The following ERCC6L2 variants were observed in gnomAD, a reference collection of about 807,000 sequenced individuals.
The protein encoded by ERCC6L2 is ERCC excision repair 6 like 2, also known as DNA excision repair protein ERCC-6-like 2.
Under a neutral mutation model 132.0 loss-of-function variants are expected in ERCC6L2, and 77 were observed. That is an observed-to-expected ratio of 0.58 (90% CI 0.49 to 0.71). The LOEUF is 0.71. ERCC6L2 is among the 30% of genes least tolerant of loss of function. The pLI is 0.00. For missense variants in ERCC6L2, 1,542 were observed against 1,837.6 expected (o/e 0.84, Z 2.94); for synonymous variants, 583 against 632.4 (o/e 0.92, Z 1.17).
At chr9:95,908,455 C>A (rs1231159428) in intron 4 of ERCC6L2, among the ~76,000 whole-genome samples, 1 of 152,174 alleles carries the variant, frequency 6.6e-6, no homozygotes, top group African/African-American at 2.4e-5. Context: ...TGACACCTTG[C>A]TCTTGAAATT....
chr9:95,897,183 A>G (rs371728827), intron 2 of ERCC6L2, among the ~76,000 whole-genome samples: 5 of 152,172 alleles, frequency 3.3e-5, no homozygotes, highest in African/African-American at 1.2e-4. Context: ...TTTTACAGAT[A>G]TTATTCAGAG....
chr9:95,986,165 T>C (rs190648748), intron 17 of ERCC6L2, among the ~76,000 whole-genome samples: 142 of 152,368 alleles, frequency 9.3e-4, no homozygotes, highest in African/African-American at 3.4e-3. Context: ...CATTATCTCA[T>C]TGTATTATAC....
chr9:96,009,885 G>A (rs1440370095), intron 18 of ERCC6L2, among the ~76,000 whole-genome samples: 1 of 152,234 alleles, frequency 6.6e-6, no homozygotes, highest in Admixed American at 6.5e-5. Context: ...TCACGGGTGA[G>A]GTCGTGGTTT....
intron 15 of ERCC6L2, among the ~76,000 whole-genome samples, chr9:95,971,147 G>C (rs1359124019): frequency 1.3e-5 from 2 of 151,992 alleles, no homozygotes; most frequent in Non-Finnish European, 2.9e-5. Flanking sequence ...TAAAAAACAT[G>C]TGTGGAAGGT....
intron 15 of ERCC6L2, 45 bp from the exon 16 acceptor site, chr9:95,971,888 A>C: frequency 8.3e-7 from 1 of 1,197,808 alleles, no homozygotes; most frequent in Non-Finnish European, 1.1e-6. Flanking sequence ...ATTCCACATT[A>C]TATCTTGAGG....
intron 2 of ERCC6L2, among the ~76,000 whole-genome samples, chr9:95,892,266 A>G (rs1828210882): frequency 6.6e-6 from 1 of 151,896 alleles, no homozygotes; most frequent in Admixed American, 6.6e-5. Flanking sequence ...TCTGTAACTT[A>G]TTTTACCATT....
At chr9:95,988,783 C>T (rs943466552) in intron 17 of ERCC6L2, among the ~76,000 whole-genome samples, 4 of 152,140 alleles carry the variant, frequency 2.6e-5, no homozygotes, top group South Asian at 2.1e-4. Flanking sequence ...GGGTATCCTC[C>T]GATTCAATTC....
In ERCC6L2 at chr9:96,015,380, G is replaced by T. The variant is rs2133235951; in HGVS notation, c.*2177G>T. Among the ~76,000 whole-genome samples, 1 of 151,838 alleles carries T rather than the reference G, an allele frequency of 6.6e-6. No individual in the cohort carries two copies. The highest frequency in any genetic ancestry group is 2.0e-4 in the East Asian group (1 of 5,086). On this transcript the variant is annotated 3_prime_UTR_variant, in exon 19 of 19. Transcript: ENST00000653738. ...TTTTTGTGTTTTTAGTAGGGATGGGGTTTCACCATGTTGGCCAGGCTGGTC... is the reference window on the plus strand; with the variant it reads ...TTTTTGTGTTTTTAGTAGGGATGGGTTTTCACCATGTTGGCCAGGCTGGTC...
At chr9:95,995,091 T>C (rs1833428028) in intron 17 of ERCC6L2, among the ~76,000 whole-genome samples, 1 of 152,240 alleles carries the variant, frequency 6.6e-6, no homozygotes. Context: ...TTTAATCATG[T>C]GCCTGTGAGG....
intron 17 of ERCC6L2, among the ~76,000 whole-genome samples, chr9:96,001,919 A>G (rs567955931): frequency 2.0e-5 from 3 of 152,344 alleles, no homozygotes; most frequent in African/African-American, 7.2e-5. Context: ...GTGGGCCAGC[A>G]CTGCTGGGGG....
intron 2 of ERCC6L2, among the ~76,000 whole-genome samples, chr9:95,884,562 A>G (rs556702664): frequency 2.0e-5 from 3 of 150,136 alleles, no homozygotes; most frequent in African/African-American, 7.3e-5. Context: ...TGGCCATGAT[A>G]TGAAACTGAA....
intron 17 of ERCC6L2, among the ~76,000 whole-genome samples, chr9:95,997,947 T>C (rs1343114646): frequency 6.6e-6 from 1 of 152,256 alleles, no homozygotes; most frequent in Non-Finnish European, 1.5e-5. Context: ...GTGAAAGATT[T>C]ACTATTTTAG....
At chr9:95,882,798 G>A (rs908735430) in intron 2 of ERCC6L2, among the ~76,000 whole-genome samples, 10 of 152,316 alleles carry the variant, frequency 6.6e-5, no homozygotes, top group African/African-American at 2.4e-4. Context: ...AGGCAGTGCA[G>A]ATAGTTTAGA....
rs1834089358 is a variant in ERCC6L2, at chr9:96,013,052, C to T, written c.4502C>T (p.Thr1501Ile). The T allele has an allele frequency of 4.4e-6, 6 of 1,367,582 alleles. No homozygotes were observed. The South Asian group carries it at 5.7e-5, about 13-fold the overall frequency. The allele number at this position is 1,367,582 out of a possible 1,614,324, so 84.7% of individuals were successfully genotyped here. Reference sequence around the variant, plus strand: ...CTCACAGACTTGGCAGTAATAGAGACTCTGTGTGAAAAAGCACCTCTAGCA... The same window carrying T: ...CTCACAGACTTGGCAGTAATAGAGATTCTGTGTGAAAAAGCACCTCTAGCA... ...SKLTDLAVIETLCEKAPLAAP... is the reference protein window; with the variant it reads ...SKLTDLAVIEILCEKAPLAAP... The change falls in exon 19 of 19, where the codon ACT becomes ATT. Residue 1501 changes from threonine to isoleucine, a missense_variant. By Grantham distance (89) the Thr-to-Ile change is moderately conservative. This residue lies in a region of ERCC6L2 where 442 missense variants were observed against 583.4 expected (regional missense o/e 0.76). Transcript: ENST00000653738.
intron 11 of ERCC6L2, among the ~76,000 whole-genome samples, chr9:95,937,596 G>A (rs1291899986): frequency 3.9e-5 from 6 of 151,946 alleles, no homozygotes; most frequent in Non-Finnish European, 8.8e-5. Context: ...TTGAGGAATT[G>A]TTTCTCTTCT....
intron 12 of ERCC6L2, among the ~76,000 whole-genome samples, chr9:95,946,390 T>TA (rs1483927628): frequency 6.6e-6 from 1 of 152,052 alleles, no homozygotes; most frequent in Non-Finnish European, 1.5e-5. Flanking sequence ...TAGCCAAGCG[T>TA]GATGGCAGGC....
chr9:95,948,804 A>G (rs689911), intron 12 of ERCC6L2, among the ~76,000 whole-genome samples: 35,551 of 144,002 alleles, frequency 0.25, 5,211 homozygotes, highest in East Asian at 0.38. Context: ...AAAAAAAAAA[A>G]AAAAGAAAAG....
In ERCC6L2 at chr9:95,916,432, C is replaced by A; in HGVS notation, c.1156C>A (p.Arg386=). The A allele has an allele frequency of 6.4e-7, 1 of 1,550,506 alleles. No individual in the cohort carries two copies. The highest frequency in any genetic ancestry group is 8.7e-7 in the Non-Finnish European group (1 of 1,155,634). ...IKDQLPKKED[R]MVYCSLTDFQ... ...GGATCAGTTGCCTAAGAAGGAAGACCGGGTAAGAACCGCATTTGTATATAT... is the reference window on the plus strand; with the variant it reads ...GGATCAGTTGCCTAAGAAGGAAGACAGGGTAAGAACCGCATTTGTATATAT... The change falls in exon 6 of 19, where the codon CGG becomes AGG. Residue 386 remains arginine (R), a splice_region_variant and synonymous_variant. Coordinates refer to ENST00000653738, the MANE Select transcript of ERCC6L2 (RefSeq NM_020207.7).
At chr9:95,996,135 T>C (rs1009390841) in intron 17 of ERCC6L2, among the ~76,000 whole-genome samples, 4 of 152,220 alleles carry the variant, frequency 2.6e-5, no homozygotes, top group Non-Finnish European at 5.9e-5. Context: ...AGATTAAAAG[T>C]GCTACTTCAG....
Sources: gnomAD v4.1 joint callset for allele counts (sites outside exome capture counted in the v4.1 genomes callset) on GRCh38, gnomAD v4.1.1 for gene constraint, gnomAD v4.1.1 regional missense constraint, MANE v1.5 for transcripts, NCBI Gene and HGNC (gene_info 2026-07-23, HGNC 2026-07-21) for gene names.